HAUS6: variants seen among roughly 807,000 people sequenced by gnomAD.
HAUS6 encodes HAUS augmin-like complex subunit 6.
A neutral mutation model predicts 106.8 loss-of-function variants in HAUS6; 80 were observed. The observed-to-expected ratio is 0.75, with a 90% CI of 0.63 to 0.90. HAUS6 has a LOEUF of 0.90. HAUS6 is among the 40% of genes least tolerant of loss of function. HAUS6 has a pLI of 0.00. For synonymous variants in HAUS6, 356 were observed against 379.1 expected (o/e 0.94, Z 0.71); for missense variants, 1,155 against 1,118.1 (o/e 1.03, Z -0.47).
chr9:19,078,395 A>C, intron 9 of HAUS6, 93 bp from the exon 10 acceptor site: 1 of 703,396 alleles, frequency 1.4e-6, no homozygotes, highest in South Asian at 1.9e-5. Context: ...AGAGAAGTGG[A>C]AGGAAATAGA....
At chr9:19,097,044 A>T (rs1817879711) in intron 1 of HAUS6, among the ~76,000 whole-genome samples, 1 of 152,208 alleles carries the variant, frequency 6.6e-6, no homozygotes, top group Non-Finnish European at 1.5e-5. Flanking sequence ...AACCTATTTC[A>T]AGAGAAACAT....
chr9:19,100,695 G>A (rs977264006), intron 1 of HAUS6, among the ~76,000 whole-genome samples: 4 of 152,166 alleles, frequency 2.6e-5, no homozygotes, highest in African/African-American at 9.7e-5. Flanking sequence ...AATGGATAAA[G>A]AAAACAGATG....
chr9:19,098,383 A>G (rs1588630605), intron 1 of HAUS6, among the ~76,000 whole-genome samples: 1 of 150,706 alleles, frequency 6.6e-6, no homozygotes, highest in South Asian at 2.1e-4. Context: ...GGTTGCAGTG[A>G]GCCAAGATCG....
intron 12 of HAUS6, among the ~76,000 whole-genome samples, chr9:19,067,642 T>C (rs1836790306): frequency 6.6e-6 from 1 of 152,180 alleles, no homozygotes; most frequent in African/African-American, 2.4e-5. Flanking sequence ...AGTTTCTGGC[T>C]CTTACAGAAT....
At chr9:19,079,890 A>G (rs556506314) in intron 9 of HAUS6, among the ~76,000 whole-genome samples, 71 of 150,242 alleles carry the variant, frequency 4.7e-4, no homozygotes, top group African/African-American at 1.5e-3. Flanking sequence ...CAAAAAAAAA[A>G]GGGGCCTGGC....
Position 19,058,625 on chromosome 9 carries a change from G to T in HAUS6, c.2142C>A (p.Phe714Leu). The T allele has an allele frequency of 6.2e-7, 1 of 1,606,286 alleles. No homozygotes were observed. The highest frequency in any genetic ancestry group is 8.5e-7 in the Non-Finnish European group (1 of 1,173,566). ...CTATCCTATTGCCGACAGCAGGGGA[G>T]AATGTCTCCATTCGGCTAGTTTCTG... ...KLSETSRMET[F>L]SPAVGNRIDV... Residue 714 changes from phenylalanine (F) to leucine (L), a missense_variant, in exon 16 of 17, where the codon TTC becomes TTA. Phe to Leu is a conservative substitution (Grantham distance 22, BLOSUM62 0). Coordinates refer to ENST00000380502, the MANE Select transcript of HAUS6 (RefSeq NM_017645.5).
chr9:19,060,056 G>A, intron 15 of HAUS6, 32 bp downstream of exon 15: 1 of 1,569,618 alleles, frequency 6.4e-7, no homozygotes, highest in African/African-American at 1.4e-5. Context: ...GTCGATGAAA[G>A]AAAAAAGTAA....
chr9:19,075,226 C>A (rs1054959861), intron 11 of HAUS6, among the ~76,000 whole-genome samples: 4 of 151,960 alleles, frequency 2.6e-5, no homozygotes, highest in African/African-American at 7.2e-5. Context: ...TTGCTTTGAA[C>A]TGGAGAAGTG....
intron 14 of HAUS6, among the ~76,000 whole-genome samples, chr9:19,062,713 G>A (rs1836653972): frequency 6.6e-6 from 1 of 152,180 alleles, no homozygotes; most frequent in Admixed American, 6.5e-5. Flanking sequence ...TCAGGCTGGA[G>A]TGCAGTGATG....
At chr9:19,081,103 A>G (rs1373446713) in intron 8 of HAUS6, among the ~76,000 whole-genome samples, 3 of 151,762 alleles carry the variant, frequency 2.0e-5, no homozygotes, top group Admixed American at 6.6e-5. Flanking sequence ...AAGCGGGGGG[A>G]AAAAAATCAA....
chr9:19,072,341 C>T (rs912047708), intron 11 of HAUS6, among the ~76,000 whole-genome samples: 8 of 151,968 alleles, frequency 5.3e-5, no homozygotes, highest in African/African-American at 1.7e-4. Flanking sequence ...GGTGAAACCC[C>T]GTCTCTACTA....
At chr9:19,089,025 G>A (rs938546826) in intron 5 of HAUS6, among the ~76,000 whole-genome samples, 14 of 152,224 alleles carry the variant, frequency 9.2e-5, no homozygotes, top group Admixed American at 3.9e-4. Flanking sequence ...GGCAGAATAC[G>A]TGAGCTCAGA....
intron 4 of HAUS6, among the ~76,000 whole-genome samples, chr9:19,092,066 C>A (rs1312032054): frequency 6.6e-6 from 1 of 152,134 alleles, no homozygotes; most frequent in African/African-American, 2.4e-5. Context: ...TGAGATTCCA[C>A]TGGAACCTAT....
At chr9:19,093,056 C>T in intron 4 of HAUS6, 115 bp downstream of exon 4, 1 of 732,454 alleles carries the variant, frequency 1.4e-6, no homozygotes, top group Non-Finnish European at 2.2e-6. Flanking sequence ...TTTTGGGGTA[C>T]ATTAATGTTT....
At chr9:19,101,492 CA>C (rs1212699282) in intron 1 of HAUS6, among the ~76,000 whole-genome samples, 1 of 150,858 alleles carries the variant, frequency 6.6e-6, no homozygotes, top group Non-Finnish European at 1.5e-5. Flanking sequence ...GACCCTGTCT[CA>C]AAACAAAAAA....
In HAUS6 at chr9:19,070,313, A is replaced by G; in HGVS notation, c.1295-13T>C. 7.1e-7 allele frequency: 1 copy of G among 1,407,070 alleles called. No homozygotes were observed. Among genetic ancestry groups the G allele is most frequent in the South Asian group, 1.2e-5 (1 of 85,344 alleles). The allele number at this position is 1,407,070 out of a possible 1,614,324, so 87.2% of individuals were successfully genotyped here. ...TGCTTATGTGCATCTAAAGAAATTTAAAAATTGGTTACTCTTTAATTATGT... is the reference window on the plus strand; with the variant it reads ...TGCTTATGTGCATCTAAAGAAATTTGAAAATTGGTTACTCTTTAATTATGT... On this transcript the variant is annotated splice_polypyrimidine_tract_variant and intron_variant, in intron 11 of 16. Coordinates refer to ENST00000380502, the MANE Select transcript of HAUS6 (RefSeq NM_017645.5).
At chr9:19,085,442 C>T (rs572474530) in intron 7 of HAUS6, among the ~76,000 whole-genome samples, 3 of 152,160 alleles carry the variant, frequency 2.0e-5, no homozygotes, top group East Asian at 1.9e-4. Flanking sequence ...CTAATGTCTA[C>T]GAGATACCTA....
Position 19,091,613 on chromosome 9 carries a change from G to C in HAUS6, c.436+1558C>G, listed in dbSNP as rs570501451. On this transcript the variant is annotated intron_variant, in intron 4 of 16. Coordinates refer to ENST00000380502, the MANE Select transcript of HAUS6 (RefSeq NM_017645.5). ...CAGGATTACTTGAGACCAGGAGTTC[G>C]AATCAAAACCAGCCTGGGCAACATA... is the stretch of plus-strand genomic sequence containing the variant. Among the ~76,000 whole-genome samples, 757 of 151,920 alleles carry C rather than the reference G, an allele frequency of 5.0e-3. 1 individual carries two copies. Among genetic ancestry groups the C allele is most frequent in the Non-Finnish European group, 8.3e-3 (566 of 67,930 alleles).
At chr9:19,096,330 C>A (rs972759516) in intron 2 of HAUS6, among the ~76,000 whole-genome samples, 2 of 151,976 alleles carry the variant, frequency 1.3e-5, no homozygotes, top group Admixed American at 6.6e-5. Context: ...TTTGGGAGGC[C>A]GAGGCAGGTG....
Sources: allele counts gnomAD v4.1 joint callset (sites outside exome capture counted in the v4.1 genomes callset), GRCh38; gene constraint gnomAD v4.1.1; transcripts MANE v1.5; gene names NCBI Gene and HGNC (gene_info 2026-07-23, HGNC 2026-07-21).